Variants in TASOR observed in about 807,000 individuals in gnomAD.
TASOR encodes protein TASOR.
TASOR carries 53 observed loss-of-function variants against 178.6 expected under a neutral mutation model. The observed-to-expected ratio is 0.30, with a 90% CI of 0.24 to 0.37. The LOEUF is 0.37. TASOR is among the 10% of genes least tolerant of loss of function. The pLI is 1.00. For synonymous variants in TASOR, 713 were observed against 696.2 expected (o/e 1.02, Z -0.38); for missense variants, 1,815 against 1,971.4 (o/e 0.92, Z 1.50).
At position 56,662,143 on chromosome 3, in the gene TASOR, A is replaced by G. The variant is rs1043790470; in HGVS notation, c.1160+242T>C. ...GAAACTCCGTCTCAAAAAAAAAAAA[A>G]AAAGATAAAGTTTTATACCGTAAAT... On this transcript the variant is annotated intron_variant, in intron 9 of 23. Coordinates refer to ENST00000683822, the MANE Select transcript of TASOR (RefSeq NM_001365635.2). Among the ~76,000 whole-genome samples the G allele has an allele frequency of 3.9e-5, 6 of 152,042 alleles. No individual in the cohort carries two copies. The East Asian group carries it at 1.2e-3, about 29-fold the overall frequency.
intron 6 of TASOR, 88 bp downstream of exon 6, chr3:56,668,309 A>T: frequency 8.0e-7 from 1 of 1,250,378 alleles, no homozygotes; most frequent in Non-Finnish European, 1.1e-6. Context: ...TAATGTGGGG[A>T]CAGAGAGAAC....
intron 1 of TASOR, among the ~76,000 whole-genome samples, chr3:56,676,063 A>G (rs999187628): frequency 7.9e-5 from 12 of 152,390 alleles, no homozygotes; most frequent in Admixed American, 1.3e-4. Flanking sequence ...AAATAGAACA[A>G]GACTACTCAA....
Position 56,682,854 on chromosome 3 carries a change from G to C in TASOR, c.153C>G (p.Pro51=). Residue 51 remains proline, a synonymous_variant, in exon 1 of 24, where the codon CCC becomes CCG. Transcript: ENST00000683822. The part of the protein sequence containing the change: ...GGGGGLNIAE[P]SGGAGREENA... ...TCTCCTCACGCCCAGCGCCGCCGCTGGGCTCAGCGATGTTGAGGCCGCCGC... is the reference window on the plus strand; with the variant it reads ...TCTCCTCACGCCCAGCGCCGCCGCTCGGCTCAGCGATGTTGAGGCCGCCGC... 1 of 1,550,364 alleles carries C rather than the reference G, an allele frequency of 6.5e-7. No homozygotes were observed. The highest frequency in any genetic ancestry group is 8.7e-7 in the Non-Finnish European group (1 of 1,146,618).
chr3:56,628,677 C>T (rs2076846259), intron 18 of TASOR, 63 bp from the exon 19 acceptor site: 5 of 1,130,324 alleles, frequency 4.4e-6, no homozygotes, highest in Non-Finnish European at 6.3e-6. Flanking sequence ...AATTTAACAC[C>T]AGAAATGCAA....
chr3:56,677,619 T>C (rs1205612705), intron 1 of TASOR, among the ~76,000 whole-genome samples: 1 of 152,186 alleles, frequency 6.6e-6, no homozygotes, highest in Non-Finnish European at 1.5e-5. Context: ...CATATGGGTA[T>C]TAGACATACA....
intron 5 of TASOR, 23 bp from the exon 6 acceptor site, chr3:56,668,581 A>G: frequency 6.7e-7 from 1 of 1,485,524 alleles, no homozygotes; most frequent in Non-Finnish European, 9.1e-7. Context: ...AAACCTTTTA[A>G]GTGTCTACCT....
chr3:56,672,930 C>T (rs560150448), intron 2 of TASOR, among the ~76,000 whole-genome samples: 3 of 152,240 alleles, frequency 2.0e-5, no homozygotes, highest in South Asian at 2.1e-4. Context: ...AAGCAATTCT[C>T]CTGCCTCACC....
intron 15 of TASOR, 152 bp downstream of exon 15, chr3:56,641,197 C>T: frequency 6.4e-6 from 4 of 623,988 alleles, no homozygotes; most frequent in East Asian, 5.5e-5. Context: ...CAAGGAATAA[C>T]TTAGGAAGTA....
intron 23 of TASOR, 23 bp downstream of exon 23, chr3:56,624,456 A>G: frequency 6.2e-7 from 1 of 1,603,318 alleles, no homozygotes; most frequent in Non-Finnish European, 8.5e-7. Context: ...CGTTAAAGAA[A>G]ATGAAAACCA....
At chr3:56,644,506 C>A (rs1278899635) in intron 14 of TASOR, among the ~76,000 whole-genome samples, 1 of 152,156 alleles carries the variant, frequency 6.6e-6, no homozygotes, top group African/African-American at 2.4e-5. Context: ...AAATAAAAGA[C>A]TGACCATGAC....
intron 15 of TASOR, among the ~76,000 whole-genome samples, chr3:56,640,812 T>G (rs2077105694): frequency 6.6e-6 from 1 of 152,168 alleles, no homozygotes; most frequent in Non-Finnish European, 1.5e-5. Context: ...AAACCAGCAC[T>G]CTGAACATAT....
intron 20 of TASOR, 125 bp from the exon 21 acceptor site, chr3:56,627,270 C>T: frequency 1.5e-6 from 1 of 654,202 alleles, no homozygotes; most frequent in Non-Finnish European, 2.6e-6. Flanking sequence ...TTTCATTTCT[C>T]TTTGTCTAAG....
chr3:56,670,286 G>T, intron 3 of TASOR, 141 bp from the exon 4 acceptor site: 1 of 492,928 alleles, frequency 2.0e-6, no homozygotes, highest in East Asian at 3.3e-5. Context: ...TTATATATTT[G>T]CCACTTTATA....
intron 5 of TASOR, among the ~76,000 whole-genome samples, chr3:56,669,027 TAAGA>T (rs2030370846): frequency 6.7e-6 from 1 of 148,786 alleles, no homozygotes; most frequent in Non-Finnish European, 1.5e-5. Context: ...TTTGAAGCAG[TAAGA>T]AAAAGCTAAT....
At chr3:56,649,196 G>A (rs1005027661) in intron 11 of TASOR, 139 bp from the exon 12 acceptor site, 112 of 520,770 alleles carry the variant, frequency 2.2e-4, no homozygotes, top group Middle Eastern at 8.9e-4. Flanking sequence ...TAATGAATTA[G>A]TTAATTCTTT....
chr3:56,672,405 AG>A (rs2030827676), intron 2 of TASOR, among the ~76,000 whole-genome samples: 1 of 152,248 alleles, frequency 6.6e-6, no homozygotes, highest in African/African-American at 2.4e-5. Context: ...TCTGGGATTC[AG>A]TGCCCTTTAG....
intron 11 of TASOR, among the ~76,000 whole-genome samples, chr3:56,655,952 C>T (rs2077459809): frequency 6.6e-6 from 1 of 152,150 alleles, no homozygotes; most frequent in Non-Finnish European, 1.5e-5. Flanking sequence ...AGGCTGATGA[C>T]ATAGACATTG....
At chr3:56,655,890 C>T (rs942017443) in intron 11 of TASOR, among the ~76,000 whole-genome samples, 3 of 152,092 alleles carry the variant, frequency 2.0e-5, no homozygotes, top group African/African-American at 7.2e-5. Context: ...TGTACTCACC[C>T]TTCTTATGAT....
chr3:56,673,049 G>A (rs749067719), intron 2 of TASOR, among the ~76,000 whole-genome samples: 4 of 151,916 alleles, frequency 2.6e-5, no homozygotes, highest in South Asian at 2.1e-4. Flanking sequence ...GGCCTCAAGC[G>A]ACCCGTCCAC....
Sources: allele counts gnomAD v4.1 joint callset (sites outside exome capture counted in the v4.1 genomes callset), GRCh38; gene constraint gnomAD v4.1.1; transcripts MANE v1.5; gene names NCBI Gene and HGNC (gene_info 2026-07-23, HGNC 2026-07-21).